Variants in GLYR1 observed in about 807,000 individuals in gnomAD.
The protein encoded by GLYR1 is cytokine-like nuclear factor N-PAC.
A neutral mutation model predicts 72.7 loss-of-function variants in GLYR1; 21 were observed. The observed-to-expected ratio is 0.29, with a 90% CI of 0.20 to 0.42. The LOEUF is 0.42. GLYR1 is among the 10% of genes least tolerant of loss of function. The pLI is 1.00. For synonymous variants in GLYR1, 392 were observed against 270.2 expected (o/e 1.45, Z -4.42); for missense variants, 594 against 712.1 (o/e 0.83, Z 1.89).
chr16:4,812,297 C>G, intron 12 of GLYR1, 49 bp from the exon 13 acceptor site: 4 of 1,579,070 alleles, frequency 2.5e-6, no homozygotes, highest in Non-Finnish European at 2.6e-6. Context: ...TCCCAGCGCT[C>G]TCTGGGCAGG....
At chr16:4,807,101 T>C (rs1329481356) in intron 15 of GLYR1, among the ~76,000 whole-genome samples, 1 of 139,200 alleles carries the variant, frequency 7.2e-6, no homozygotes, top group Non-Finnish European at 1.5e-5. Flanking sequence ...CCACTGCGCC[T>C]GGCCCCTTTT....
In GLYR1 at chr16:4,805,129, T is replaced by C; in HGVS notation, c.*107A>G. 5 of 876,512 alleles carry C rather than the reference T, an allele frequency of 5.7e-6. No individual in the cohort carries two copies. The allele number at this position is 876,512 out of a possible 1,614,324, so 54.3% of individuals were successfully genotyped here. A position where few individuals can be genotyped will look rare whatever the true frequency, so the allele number is the denominator to read the frequency against. ...GTCTCAAAGTCTGTATAAAAGGAAA[T>C]GGAGATAGGTGGGCTGGTCCAGAAT... is the stretch of plus-strand genomic sequence containing the variant. On this transcript the variant is annotated 3_prime_UTR_variant, in exon 16 of 16. Coordinates refer to ENST00000321919, the MANE Select transcript of GLYR1 (RefSeq NM_032569.4).
rs1391804031 is a variant in GLYR1, at chr16:4,811,809, A to G, written c.1283-7T>C. ...GCTGCATTGCCCACTTCACCTGCCC[A>G]GGGTAAAGACTCACGGTCACAGCCC... On this transcript the variant is annotated splice_polypyrimidine_tract_variant and splice_region_variant and intron_variant, in intron 13 of 15. Coordinates refer to ENST00000321919, the MANE Select transcript of GLYR1 (RefSeq NM_032569.4). 2 of 1,611,048 alleles carry G rather than the reference A, an allele frequency of 1.2e-6. No individual in the cohort carries two copies. Among genetic ancestry groups the G allele is most frequent in the Non-Finnish European group, 1.7e-6 (2 of 1,178,262 alleles).
chr16:4,829,964 C>T (rs141848038), intron 5 of GLYR1, among the ~76,000 whole-genome samples: 312 of 151,986 alleles, frequency 2.1e-3, no homozygotes, highest in Non-Finnish European at 1.8e-3. Flanking sequence ...TGAGCCACTG[C>T]ACCCAGCAAA....
chr16:4,822,824 A>C (rs1294906243), intron 7 of GLYR1, 51 bp downstream of exon 7: 1 of 1,469,146 alleles, frequency 6.8e-7, no homozygotes, highest in Non-Finnish European at 9.5e-7. Context: ...GTGGAGGAGC[A>C]CTCCTTGGCC....
intron 9 of GLYR1, among the ~76,000 whole-genome samples, chr16:4,818,664 G>A (rs1283766186): frequency 3.3e-5 from 5 of 152,174 alleles, no homozygotes; most frequent in Non-Finnish European, 5.9e-5. Context: ...TTCCTTGACT[G>A]CATGAACCAG....
rs150143397 is a variant in GLYR1 at position 4,821,976 on chromosome 16, T to C, written c.682-379A>G. Among the ~76,000 whole-genome samples, 198 of 152,350 alleles carry C rather than the reference T, an allele frequency of 1.3e-3. 1 individual carries two copies. Among genetic ancestry groups the C allele is most frequent in the African/African-American group, 4.6e-3 (191 of 41,576 alleles). On this transcript the variant is annotated intron_variant, in intron 7 of 15. Coordinates refer to ENST00000321919, the MANE Select transcript of GLYR1 (RefSeq NM_032569.4). ...TTGGAGACTACCTCTTGGAGTGAGCTTGAAGATGTGTCTGCCATGCAATTT... is the reference window on the plus strand; with the variant it reads ...TTGGAGACTACCTCTTGGAGTGAGCCTGAAGATGTGTCTGCCATGCAATTT...
chr16:4,805,070 G>A lies in GLYR1; in HGVS notation c.*166C>T, dbSNP rs1313781766. 3.1e-6 allele frequency: 2 copies of A among 642,542 alleles called. No individual in the cohort carries two copies. Among genetic ancestry groups the A allele is most frequent in the Non-Finnish European group, 5.6e-6 (2 of 356,736 alleles). The allele number at this position is 642,542 out of a possible 1,614,324, so 39.8% of individuals were successfully genotyped here. On this transcript the variant is annotated 3_prime_UTR_variant, in exon 16 of 16. Transcript: ENST00000321919. Reference sequence around the variant, plus strand: ...TTGTCCCCTCCCCACCGGCCTCAGGGGAAGGGTGCTGCTGTGTGCTGTGCT... The same window carrying A: ...TTGTCCCCTCCCCACCGGCCTCAGGAGAAGGGTGCTGCTGTGTGCTGTGCT...
At chr16:4,814,299 A>G (rs751005487) in intron 11 of GLYR1, among the ~76,000 whole-genome samples, 36 of 152,266 alleles carry the variant, frequency 2.4e-4, no homozygotes, top group Non-Finnish European at 7.3e-5. Context: ...AAGCCTGTTC[A>G]AGACACATTT....
At chr16:4,819,713 C>T (rs2083892987) in intron 9 of GLYR1, among the ~76,000 whole-genome samples, 1 of 152,186 alleles carries the variant, frequency 6.6e-6, no homozygotes, top group African/African-American at 2.4e-5. Flanking sequence ...GGAACCATCT[C>T]TACAAATGGA....
intron 12 of GLYR1, 100 bp downstream of exon 12, chr16:4,813,637 G>C: frequency 9.8e-7 from 1 of 1,017,072 alleles, no homozygotes; most frequent in Non-Finnish European, 1.5e-6. Flanking sequence ...TCCCTCTCTG[G>C]CTTTGGCTCT....
At chr16:4,805,359 A>G in intron 15 of GLYR1, 49 bp from the exon 16 acceptor site, 1 of 1,487,132 alleles carries the variant, frequency 6.7e-7, no homozygotes, top group South Asian at 1.2e-5. Context: ...GCTGCCTTCA[A>G]GACCTAGACC....
intron 5 of GLYR1, among the ~76,000 whole-genome samples, chr16:4,831,762 C>T: frequency 6.6e-6 from 1 of 152,196 alleles, no homozygotes; most frequent in East Asian, 1.9e-4. Context: ...CTTTGAGCTC[C>T]AAGGCTCAAG....
intron 3 of GLYR1, among the ~76,000 whole-genome samples, chr16:4,844,150 A>AGAC (rs2085773299): frequency 6.6e-6 from 1 of 151,720 alleles, no homozygotes. Flanking sequence ...CCATCTAGCT[A>AGAC]GACCCAGGTA....
At chr16:4,809,021 T>C (rs768771116) in intron 15 of GLYR1, among the ~76,000 whole-genome samples, 3 of 152,058 alleles carry the variant, frequency 2.0e-5, no homozygotes, top group Non-Finnish European at 2.9e-5. Context: ...AAAATGCTAA[T>C]AGACATGCTA....
At chr16:4,844,955 C>A in intron 3 of GLYR1, 119 bp downstream of exon 3, 1 of 688,800 alleles carries the variant, frequency 1.5e-6, no homozygotes. Flanking sequence ...AATGAGATGC[C>A]AGTATTACAC....
chr16:4,806,437 G>C (rs988855902), intron 15 of GLYR1, among the ~76,000 whole-genome samples: 3 of 150,950 alleles, frequency 2.0e-5, no homozygotes, highest in Non-Finnish European at 3.0e-5. Flanking sequence ...GCTCATTGCA[G>C]CCTCGAACTC....
At chr16:4,828,562 C>T (rs151149952) in intron 5 of GLYR1, among the ~76,000 whole-genome samples, 319 of 152,136 alleles carry the variant, frequency 2.1e-3, no homozygotes, top group African/African-American at 7.4e-3. Flanking sequence ...GGGCTGTCTG[C>T]AGTTTATTGG....
intron 5 of GLYR1, among the ~76,000 whole-genome samples, chr16:4,828,969 A>T (rs1183747352): frequency 6.6e-6 from 1 of 152,084 alleles, no homozygotes; most frequent in Non-Finnish European, 1.5e-5. Flanking sequence ...AATAGCATAA[A>T]ATCTGACAGC....
Sources: gnomAD v4.1 joint callset for allele counts (sites outside exome capture counted in the v4.1 genomes callset) on GRCh38, gnomAD v4.1.1 for gene constraint, MANE v1.5 for transcripts, NCBI Gene and HGNC (gene_info 2026-07-23, HGNC 2026-07-21) for gene names.